Variants in RTL4 observed in about 807,000 individuals in gnomAD.
RTL4 encodes retrotransposon Gag like 4.
RTL4 carries 4 observed loss-of-function variants against 5.3 expected under a neutral mutation model. The observed-to-expected ratio is 0.75, with a 90% CI of 0.37 to 1.72. The LOEUF is 1.72. RTL4 is among the 40% of genes most tolerant of loss of function. RTL4 has a pLI of 0.04. For missense variants in RTL4, 260 were observed against 227.1 expected (o/e 1.14, Z -0.93); for synonymous variants, 98 against 87.3 (o/e 1.12, Z -0.68).
At chrX:112,158,156 C>T in the RTL4 span, among the ~76,000 whole-genome samples, 3 of 111,039 alleles carry the variant, frequency 2.7e-5, no homozygotes, top group East Asian at 5.7e-4. Context: ...AAGGAAGCTC[C>T]CTGCCTTTGA....
chrX:112,364,895 A>T, the RTL4 span, among the ~76,000 whole-genome samples: 724 of 112,068 alleles, frequency 6.5e-3, 4 homozygotes, highest in African/African-American at 0.022. Context: ...ATTCAATTCA[A>T]CAAATATTTA....
the RTL4 span, among the ~76,000 whole-genome samples, chrX:112,158,136 T>C: frequency 0.013 from 446 of 35,371 alleles, 3 homozygotes; most frequent in African/African-American, 0.062. Context: ...GGCTCCAGCC[T>C]CCAATGATGA....
chrX:112,163,560 A>T, the RTL4 span, among the ~76,000 whole-genome samples: 8 of 111,848 alleles, frequency 7.2e-5, no homozygotes, highest in African/African-American at 2.6e-4. Flanking sequence ...TCTTGAGGAT[A>T]AAGCCTTTTG....
chrX:112,274,840 A>G, the RTL4 span, among the ~76,000 whole-genome samples: 2 of 111,910 alleles, frequency 1.8e-5, no homozygotes, highest in African/African-American at 3.2e-5. Flanking sequence ...GAAAATTCCC[A>G]TAATCAAATA....
the RTL4 span, among the ~76,000 whole-genome samples, chrX:112,217,870 C>G: frequency 9.0e-6 from 1 of 111,189 alleles, no homozygotes; most frequent in African/African-American, 3.3e-5. Context: ...AGGAGACTTT[C>G]TAGTTTTTAG....
At chrX:112,250,204 G>A in the RTL4 span, among the ~76,000 whole-genome samples, 3 of 109,647 alleles carry the variant, frequency 2.7e-5, no homozygotes, top group Non-Finnish European at 5.7e-5. Context: ...GCGTGAACCC[G>A]GGAGGCGGAG....
chrX:112,228,565 C>T, the RTL4 span, among the ~76,000 whole-genome samples: 1 of 111,695 alleles, frequency 9.0e-6, no homozygotes, highest in Admixed American at 9.5e-5. Context: ...AAATTTGCTC[C>T]CTTATCAAAT....
chrX:112,165,253 A>C, the RTL4 span, among the ~76,000 whole-genome samples: 2 of 112,565 alleles, frequency 1.8e-5, no homozygotes, highest in Non-Finnish European at 3.8e-5. Flanking sequence ...ACTTTTCAGA[A>C]AATAAAACAA....
At chrX:112,245,064 A>G in the RTL4 span, among the ~76,000 whole-genome samples, 1 of 112,277 alleles carries the variant, frequency 8.9e-6, no homozygotes, top group Admixed American at 9.4e-5. Flanking sequence ...CAAGAGATCC[A>G]CTGTTAGTCT....
chrX:112,358,273 G>A, the RTL4 span, among the ~76,000 whole-genome samples: 5 of 89,765 alleles, frequency 5.6e-5, no homozygotes, highest in Non-Finnish European at 1.0e-4. Flanking sequence ...GTTAACTTAT[G>A]CATTTTTTTT....
At chrX:112,445,074 G>A in the RTL4 span, among the ~76,000 whole-genome samples, 7 of 111,620 alleles carry the variant, frequency 6.3e-5, no homozygotes, top group East Asian at 2.0e-3. Flanking sequence ...ACATGGCCTT[G>A]CTGAAATCTG....
At chrX:112,179,796 T>C in the RTL4 span, among the ~76,000 whole-genome samples, 3 of 112,004 alleles carry the variant, frequency 2.7e-5, no homozygotes, top group African/African-American at 9.7e-5. Flanking sequence ...ATAAGGGATA[T>C]GACATTTAAA....
the RTL4 span, among the ~76,000 whole-genome samples, chrX:112,355,476 G>T: frequency 1.8e-5 from 2 of 111,452 alleles, no homozygotes; most frequent in Non-Finnish European, 3.8e-5. Flanking sequence ...AGTTAGAAAA[G>T]GAGAGGATAG....
At chrX:112,207,222 T>A in the RTL4 span, among the ~76,000 whole-genome samples, 2 of 111,748 alleles carry the variant, frequency 1.8e-5, no homozygotes, top group Non-Finnish European at 3.8e-5. Context: ...GAACCACTTC[T>A]CTTAACTCCA....
upstream of RTL4, among the ~76,000 whole-genome samples, chrX:112,450,213 A>T (rs908342168): frequency 2.7e-5 from 3 of 112,484 alleles, no homozygotes; most frequent in Non-Finnish European, 5.6e-5. Context: ...GGGACTCCAG[A>T]GTAAAGTAGT....
At chrX:112,402,050 T>C in the RTL4 span, among the ~76,000 whole-genome samples, 1 of 112,056 alleles carries the variant, frequency 8.9e-6, no homozygotes, top group Non-Finnish European at 1.9e-5. Flanking sequence ...TAGTGTACCT[T>C]CTTCTCCATC....
At chrX:112,376,707 A>G in the RTL4 span, among the ~76,000 whole-genome samples, 1 of 111,820 alleles carries the variant, frequency 8.9e-6, no homozygotes, top group Admixed American at 9.5e-5. Flanking sequence ...CGTCATTTGT[A>G]TCTTTGCTAG....
chrX:112,282,558 A>G, the RTL4 span, among the ~76,000 whole-genome samples: 1 of 112,061 alleles, frequency 8.9e-6, no homozygotes, highest in African/African-American at 3.2e-5. Flanking sequence ...TAGGGTATGT[A>G]TCAAATCTGT....
the RTL4 span, among the ~76,000 whole-genome samples, chrX:112,197,349 A>G: frequency 1.8e-5 from 2 of 110,948 alleles, no homozygotes; most frequent in African/African-American, 6.6e-5. Context: ...GGGGCAGCTC[A>G]TTCTTGGCTG....
Sources: gnomAD v4.1 joint callset for allele counts (sites outside exome capture counted in the v4.1 genomes callset) on GRCh38, gnomAD v4.1.1 for gene constraint, MANE v1.5 for transcripts, NCBI Gene and HGNC (gene_info 2026-07-23, HGNC 2026-07-21) for gene names.